The following CNOT2 variants were observed in gnomAD, a reference collection of about 807,000 sequenced individuals.
CNOT2 encodes the protein CC chemokine receptor 4-negative regulator of transcription 2.
CNOT2 carries 7 observed loss-of-function variants against 72.1 expected under a neutral mutation model. That is an observed-to-expected ratio of 0.10 (90% CI 0.06 to 0.18). The LOEUF is 0.18. Ranked by LOEUF, CNOT2 falls within the 10% of genes least tolerant of loss-of-function variation. The pLI is 1.00. For synonymous variants in CNOT2, 196 were observed against 225.6 expected, an observed-to-expected ratio of 0.87 and a Z score of 1.17; for missense variants, 345 against 660.3, an observed-to-expected ratio of 0.52 and a Z score of 5.23.
intron 7 of CNOT2, chr12:70,334,952 CCTCAGGGCTTCTG>C (rs1479858585): frequency 6.5e-6 from 1 of 154,060 alleles, no homozygotes; most frequent in African/African-American, 2.4e-5. Flanking sequence ...AGGTGGAAGT[CCTCAGGGCTTCTG>C]CTTCACTGCC....
intron 4 of CNOT2, chr12:70,323,061 C>G (rs1878541185): frequency 6.6e-6 from 1 of 151,510 alleles, no homozygotes; most frequent in Admixed American, 6.6e-5. Flanking sequence ...TCTGTCTATA[C>G]CATTCTCCTT....
chr12:70,332,946 TA>T, intron 7 of CNOT2, 100 bp downstream of exon 7: 1 of 1,370,060 alleles, frequency 7.3e-7, no homozygotes, highest in Non-Finnish European at 9.4e-7. Context: ...TAGGATTTTT[TA>T]TTATGTTAGA....
chr12:70,316,343 A>G (rs1877327745), intron 3 of CNOT2, among the ~76,000 whole-genome samples: 1 of 152,150 alleles, frequency 6.6e-6, no homozygotes, highest in Non-Finnish European at 1.5e-5. Context: ...GTTCTGTCAG[A>G]GTATATTTCT....
chr12:70,306,888 T>A (rs963517284), intron 2 of CNOT2, among the ~76,000 whole-genome samples: 22 of 152,360 alleles, frequency 1.4e-4, no homozygotes, highest in Non-Finnish European at 2.8e-4. Flanking sequence ...TATAACCTCT[T>A]GCTCCTAGGC....
intron 11 of CNOT2, among the ~76,000 whole-genome samples, chr12:70,339,986 T>C (rs568452126): frequency 2.6e-5 from 4 of 152,326 alleles, no homozygotes; most frequent in Non-Finnish European, 4.4e-5. Flanking sequence ...TAGAAATACA[T>C]TGTTACTTCT....
At chr12:70,271,345 T>C (rs1391670342) in intron 1 of CNOT2, among the ~76,000 whole-genome samples, 2 of 151,582 alleles carry the variant, frequency 1.3e-5, no homozygotes, top group African/African-American at 4.8e-5. Flanking sequence ...GGGATAGGAT[T>C]ACCAAATTGG....
At chr12:70,272,327 G>T (rs535623070) in intron 1 of CNOT2, among the ~76,000 whole-genome samples, 3 of 152,160 alleles carry the variant, frequency 2.0e-5, no homozygotes, top group Non-Finnish European at 4.4e-5. Context: ...TGGGTGTTCA[G>T]TGAAGGCCTT....
chr12:70,340,763 G>GTC, intron 11 of CNOT2, among the ~76,000 whole-genome samples: 1 of 151,900 alleles, frequency 6.6e-6, no homozygotes, highest in Non-Finnish European at 1.5e-5. Flanking sequence ...GTCCCTGATT[G>GTC]TCCTTATACC....
At chr12:70,324,870 A>C (rs1878840605) in intron 4 of CNOT2, among the ~76,000 whole-genome samples, 1 of 151,604 alleles carries the variant, frequency 6.6e-6, no homozygotes, top group African/African-American at 2.4e-5. Flanking sequence ...TACCCACCTG[A>C]CTCCCCACCA....
chr12:70,268,348 C>G (rs897542316), intron 1 of CNOT2, among the ~76,000 whole-genome samples: 1 of 152,146 alleles, frequency 6.6e-6, no homozygotes, highest in Non-Finnish European at 1.5e-5. Flanking sequence ...TTGATACTTT[C>G]TCTTGTCTCT....
intron 2 of CNOT2, among the ~76,000 whole-genome samples, chr12:70,291,140 T>G (rs1442502411): frequency 6.6e-6 from 1 of 152,164 alleles, no homozygotes; most frequent in Non-Finnish European, 1.5e-5. Context: ...TTCCCTAGAA[T>G]CCAGTAGGCC....
Position 70,329,699 on chromosome 12 carries a change from C to G in CNOT2, c.386+129C>G. Reference sequence around the variant, plus strand: ...GTGCCTTTCACTGAGGAAGAAAATACCTATGCTCTTTTTATTTCAGTGCAA... The same window carrying G: ...GTGCCTTTCACTGAGGAAGAAAATAGCTATGCTCTTTTTATTTCAGTGCAA... On this transcript the variant is annotated intron_variant, in intron 5 of 15. Transcript: ENST00000229195. 4 of 674,484 alleles carry G rather than the reference C, an allele frequency of 5.9e-6. No homozygotes were observed. In the South Asian group the frequency reaches 7.1e-5, roughly 12 times the overall value. 41.8% of individuals were successfully genotyped at this position (674,484 alleles called of 1,614,324 possible). A position where few individuals can be genotyped will look rare whatever the true frequency, so the allele number is the denominator to read the frequency against.
chr12:70,353,845 A>G lies in CNOT2; in HGVS notation c.1553A>G (p.Tyr518Cys). 6.2e-7 allele frequency: 1 copy of G among 1,606,358 alleles called. No individual in the cohort carries two copies. Residue 518 changes from tyrosine (Y) to cysteine (C), a missense_variant, in exon 16 of 16, where the codon TAT (tyrosine) becomes TGT (cysteine). Physicochemically the swap from Tyr to Cys is radical, Grantham distance 194. Transcript: ENST00000229195. Reference sequence around the variant, plus strand: ...TTTTTATAGGAGTTCCATCTGGAATATGACAAATTAGAAGAACGGCCTCAC... The same window carrying G: ...TTTTTATAGGAGTTCCATCTGGAATGTGACAAATTAGAAGAACGGCCTCAC... ...RKVAKEFHLE[Y>C]DKLEERPHLP...
chr12:70,301,022 G>A (rs1873856667), intron 2 of CNOT2, among the ~76,000 whole-genome samples: 1 of 152,070 alleles, frequency 6.6e-6, no homozygotes. Flanking sequence ...CTCTCTGTTT[G>A]TCTGTTATTG....
At position 70,335,527 on chromosome 12, in the gene CNOT2, C is replaced by G; in HGVS notation, c.739C>G (p.Pro247Ala). Residue 247 changes from proline to alanine, a missense_variant, in exon 8 of 16, where the codon CCA becomes GCA. By Grantham distance (27) the Pro-to-Ala change is conservative (BLOSUM62 -1). Coordinates refer to ENST00000229195, the MANE Select transcript of CNOT2 (RefSeq NM_014515.7). The part of the protein sequence containing the change: ...NRREGSGNPT[P>A]LINPLAGRAP... ...GAGGGAAGGAAGTGGTAACCCAACTCCATTAATAAACCCCTTGGCTGGAAG... is the reference window on the plus strand; with the variant it reads ...GAGGGAAGGAAGTGGTAACCCAACTGCATTAATAAACCCCTTGGCTGGAAG... 1 of 1,609,846 alleles carries G rather than the reference C, an allele frequency of 6.2e-7. No homozygotes were observed. The highest frequency in any genetic ancestry group is 8.5e-7 in the Non-Finnish European group (1 of 1,176,466).
intron 7 of CNOT2, 30 bp from the exon 8 acceptor site, chr12:70,335,408 C>T (rs778037628): frequency 6.6e-7 from 1 of 1,507,876 alleles, no homozygotes; most frequent in Admixed American, 1.7e-5. Flanking sequence ...TTTGTAGAAT[C>T]AATAACCAGT....
rs566348619 is a variant in CNOT2 at position 70,303,933 on chromosome 12, C to G, written c.49-6962C>G. On this transcript the variant is annotated intron_variant, in intron 2 of 15. Coordinates refer to ENST00000229195, the MANE Select transcript of CNOT2 (RefSeq NM_014515.7). ...TTCTTTTTATTCTTTTTTCTCTAAA[C>G]TTCTCGCTGCATTTCATTCATTTCG... Among the ~76,000 whole-genome samples, 109 of 152,278 alleles carry G rather than the reference C, an allele frequency of 7.2e-4. 1 individual carries two copies. The highest frequency in any genetic ancestry group is 1.5e-4 in the Non-Finnish European group (10 of 68,028).
intron 2 of CNOT2, among the ~76,000 whole-genome samples, chr12:70,307,513 A>ATATGGTCC (rs1364281091): frequency 6.6e-6 from 1 of 152,196 alleles, no homozygotes; most frequent in Non-Finnish European, 1.5e-5. Context: ...ACCGTTGTAT[A>ATATGGTCC]TATGGTCCAT....
chr12:70,267,278 G>A lies in CNOT2; in HGVS notation c.-95-10854G>A, dbSNP rs192905924. 2.0e-5 allele frequency among the ~76,000 whole-genome samples: 3 copies of A among 152,216 alleles called. No homozygotes were observed. In the East Asian group the frequency reaches 5.8e-4, roughly 29 times the overall value. ...ATCAGGGCCGTAAATCCTTTGAAGG[G>A]TATAGAGAAGAAACCTTCCTTCTAG... On this transcript the variant is annotated intron_variant, in intron 1 of 15. Transcript: ENST00000229195.
Sources: gnomAD v4.1 joint callset for allele counts (sites outside exome capture counted in the v4.1 genomes callset) on GRCh38, gnomAD v4.1.1 for gene constraint, MANE v1.5 for transcripts, NCBI Gene and HGNC (gene_info 2026-07-23, HGNC 2026-07-21) for gene names.